YPEL2: variants seen among roughly 807,000 people sequenced by gnomAD.
YPEL2 encodes the protein protein yippee-like 2.
A neutral mutation model predicts 19.1 loss-of-function variants in YPEL2; 2 were observed. The ratio of observed to expected loss-of-function variants is 0.10; its 90% confidence interval spans 0.04 to 0.33. YPEL2 has a LOEUF of 0.33. YPEL2 is among the 10% of genes least tolerant of loss of function. The pLI, the probability that YPEL2 is intolerant of heterozygous loss-of-function variation, is 1.00. For synonymous variants in YPEL2, 52 were observed against 50.0 expected (o/e 1.04, Z -0.17); for missense variants, 66 against 140.7 (o/e 0.47, Z 2.68).
intron 2 of YPEL2, among the ~76,000 whole-genome samples, chr17:59,371,914 T>C (rs16943481): frequency 0.091 from 13,909 of 152,254 alleles, 842 homozygotes; most frequent in African/African-American, 0.17. Flanking sequence ...CTCACTTCTT[T>C]GGGGAATGAA....
intron 4 of YPEL2, among the ~76,000 whole-genome samples, chr17:59,390,761 AC>A (rs2048003612): frequency 2.6e-5 from 4 of 152,184 alleles, no homozygotes; most frequent in Admixed American, 6.5e-5. Flanking sequence ...TCACCACATA[AC>A]CATAGACACT....
intron 2 of YPEL2, among the ~76,000 whole-genome samples, chr17:59,366,549 T>G (rs1271972723): frequency 6.6e-6 from 1 of 152,090 alleles, no homozygotes; most frequent in Admixed American, 6.5e-5. Context: ...CCCAGCCGAG[T>G]CGGGCAGCCC....
At chr17:59,347,492 C>T (rs1037868116) in intron 1 of YPEL2, among the ~76,000 whole-genome samples, 7 of 152,262 alleles carry the variant, frequency 4.6e-5, no homozygotes, top group Non-Finnish European at 1.0e-4. Context: ...ATGACGTGGT[C>T]AGATCTCCTT....
chr17:59,368,471 T>C (rs1187191129), intron 2 of YPEL2, among the ~76,000 whole-genome samples: 2 of 152,252 alleles, frequency 1.3e-5, no homozygotes, highest in Admixed American at 1.3e-4. Flanking sequence ...AGTCATTGTT[T>C]CACTGTAAGT....
Position 59,399,749 on chromosome 17 carries a change from A to G in YPEL2, c.*2559A>G, listed in dbSNP as rs1052804889. 6.5e-6 allele frequency: 1 copy of G among 152,700 alleles called. No individual in the cohort carries two copies. Among genetic ancestry groups the G allele is most frequent in the Non-Finnish European group, 1.5e-5 (1 of 68,070 alleles). 9.5% of individuals were successfully genotyped at this position (152,700 alleles called of 1,614,324 possible). ...CATTGAGCAGCATTGGAGAGGCCAC[A>G]GCTGAGCTATGGAGATGCTAAATTA... On this transcript the variant is annotated 3_prime_UTR_variant, in exon 5 of 5. Coordinates refer to ENST00000312655, the MANE Select transcript of YPEL2 (RefSeq NM_001005404.4).
chr17:59,388,286 A>C, intron 2 of YPEL2, 41 bp from the exon 3 acceptor site: 1 of 1,610,654 alleles, frequency 6.2e-7, no homozygotes, highest in East Asian at 2.2e-5. Context: ...CAGATAGGTG[A>C]AATGGATGTC....
intron 2 of YPEL2, among the ~76,000 whole-genome samples, chr17:59,356,773 C>T (rs2047814882): frequency 6.6e-6 from 1 of 152,156 alleles, no homozygotes; most frequent in African/African-American, 2.4e-5. Context: ...CTGGTGAGGG[C>T]CTGCTTTCTG....
intron 2 of YPEL2, among the ~76,000 whole-genome samples, chr17:59,385,532 C>T (rs970594034): frequency 2.6e-5 from 4 of 152,140 alleles, no homozygotes; most frequent in Non-Finnish European, 4.4e-5. Flanking sequence ...GAGCCATGAT[C>T]GTGCCTTTAC....
chr17:59,370,409 G>T (rs1041323266), intron 2 of YPEL2, among the ~76,000 whole-genome samples: 1 of 152,076 alleles, frequency 6.6e-6, no homozygotes, highest in Non-Finnish European at 1.5e-5. Flanking sequence ...TTATTATCAG[G>T]TCAGAACAAA....
chr17:59,371,170 G>C (rs999929274), intron 2 of YPEL2, among the ~76,000 whole-genome samples: 5 of 152,216 alleles, frequency 3.3e-5, no homozygotes, highest in African/African-American at 1.2e-4. Flanking sequence ...CTTAGGCAAA[G>C]ATCCCATGGC....
chr17:59,378,692 T>C (rs993582305), intron 2 of YPEL2, among the ~76,000 whole-genome samples: 3 of 152,168 alleles, frequency 2.0e-5, no homozygotes, highest in African/African-American at 7.2e-5. Flanking sequence ...CACCACCTTT[T>C]GTTTTTGTAG....
chr17:59,352,944 C>T (rs2047794703), intron 1 of YPEL2, among the ~76,000 whole-genome samples: 1 of 152,106 alleles, frequency 6.6e-6, no homozygotes. Flanking sequence ...TCTAGGGCTG[C>T]CTGGGAATGA....
chr17:59,371,483 A>T (rs2047897053), intron 2 of YPEL2, among the ~76,000 whole-genome samples: 2 of 152,302 alleles, frequency 1.3e-5, no homozygotes, highest in Non-Finnish European at 1.5e-5. Context: ...GAAAGTTTGT[A>T]AGTGTTGAGA....
chr17:59,341,281 A>G (rs1387159692), intron 1 of YPEL2, among the ~76,000 whole-genome samples: 1 of 152,000 alleles, frequency 6.6e-6, no homozygotes, highest in Non-Finnish European at 1.5e-5. Context: ...AGTCCCAGCT[A>G]CTCGGGAGGC....
chr17:59,385,543 A>T (rs1286532648), intron 2 of YPEL2, among the ~76,000 whole-genome samples: 1 of 152,160 alleles, frequency 6.6e-6, no homozygotes, highest in Non-Finnish European at 1.5e-5. Flanking sequence ...GTGCCTTTAC[A>T]CTCCAGCCTG....
At chr17:59,388,447 TA>T (rs2047991998) in intron 3 of YPEL2, 77 bp downstream of exon 3, 1 of 1,435,150 alleles carries the variant, frequency 7.0e-7, no homozygotes, top group Admixed American at 1.7e-5. Flanking sequence ...TGGTGATAAT[TA>T]AACAATGAAC....
At chr17:59,355,855 G>C (rs964361531) in intron 2 of YPEL2, 11 of 152,264 alleles carry the variant, frequency 7.2e-5, no homozygotes, top group Non-Finnish European at 4.4e-5. Context: ...AATTTCATTG[G>C]CTCAGGCCGG....
At chr17:59,332,336 C>T (rs2047675241) in intron 1 of YPEL2, among the ~76,000 whole-genome samples, 3 of 152,178 alleles carry the variant, frequency 2.0e-5, no homozygotes, top group Non-Finnish European at 1.5e-5. Context: ...GGACTGGGCG[C>T]CCTCGAAATT....
chr17:59,359,082 C>T (rs890391935), intron 2 of YPEL2, among the ~76,000 whole-genome samples: 2 of 152,016 alleles, frequency 1.3e-5, no homozygotes, highest in Non-Finnish European at 2.9e-5. Flanking sequence ...CATAACCACA[C>T]CTGGCTAATT....
Sources: allele counts gnomAD v4.1 joint callset (sites outside exome capture counted in the v4.1 genomes callset), GRCh38; gene constraint gnomAD v4.1.1; transcripts MANE v1.5; gene names NCBI Gene and HGNC (gene_info 2026-07-23, HGNC 2026-07-21).